DMXL2: variants seen among roughly 807,000 people sequenced by gnomAD.
The protein encoded by DMXL2 is dmX-like protein 2.
Under a neutral mutation model 331.1 loss-of-function variants are expected in DMXL2, and 103 were observed. The observed-to-expected ratio is 0.31, with a 90% CI of 0.27 to 0.37. DMXL2 has a LOEUF of 0.37. Among genes scored for constraint, DMXL2 ranks in the 10% least tolerant of loss-of-function variants. DMXL2 has a pLI of 1.00. For missense variants in DMXL2, 3,171 were observed against 3,642.9 expected, an observed-to-expected ratio of 0.87 and a Z score of 3.33; for synonymous variants, 1,281 against 1,252.1, an observed-to-expected ratio of 1.02 and a Z score of -0.49.
chr15:51,511,844 G>A (rs2046774030), intron 15 of DMXL2, among the ~76,000 whole-genome samples: 1 of 152,136 alleles, frequency 6.6e-6, no homozygotes, highest in Non-Finnish European at 1.5e-5. Flanking sequence ...TATACACCAT[G>A]GAATACTATG....
At chr15:51,457,176 T>A in intron 37 of DMXL2, 152 bp downstream of exon 37, 1 of 874,616 alleles carries the variant, frequency 1.1e-6, no homozygotes, top group Non-Finnish European at 1.7e-6. Flanking sequence ...TGTCACCAAA[T>A]AAAAAAGCCA....
intron 15 of DMXL2, among the ~76,000 whole-genome samples, chr15:51,512,473 C>T (rs961302860): frequency 2.0e-5 from 3 of 151,992 alleles, no homozygotes; most frequent in Non-Finnish European, 4.4e-5. Flanking sequence ...TTTTTAGAAA[C>T]GCATATGGAA....
At chr15:51,479,874 G>T in intron 25 of DMXL2, 74 bp downstream of exon 25, 1 of 1,162,654 alleles carries the variant, frequency 8.6e-7, no homozygotes, top group Non-Finnish European at 1.2e-6. Flanking sequence ...CCCTAAGTTC[G>T]AATTAAAAGA....
At chr15:51,473,799 G>T (rs1002243328) in intron 28 of DMXL2, among the ~76,000 whole-genome samples, 1 of 152,114 alleles carries the variant, frequency 6.6e-6, no homozygotes, top group African/African-American at 2.4e-5. Context: ...AAGGAAAATG[G>T]AATAATACTA....
At chr15:51,566,688 T>A (rs1368093707) in intron 3 of DMXL2, among the ~76,000 whole-genome samples, 2 of 152,204 alleles carry the variant, frequency 1.3e-5, no homozygotes, top group African/African-American at 2.4e-5. Context: ...CAAATACATA[T>A]ATTTAATGAA....
chr15:51,468,527 C>T (rs553636426), intron 29 of DMXL2, among the ~76,000 whole-genome samples: 1 of 152,176 alleles, frequency 6.6e-6, no homozygotes, highest in Admixed American at 6.5e-5. Context: ...CTGAAGGATG[C>T]TTGGGAACCA....
chr15:51,527,981 GTTTA>G (rs1047827439), intron 13 of DMXL2, among the ~76,000 whole-genome samples: 6 of 151,506 alleles, frequency 4.0e-5, no homozygotes, highest in Non-Finnish European at 5.9e-5. Context: ...CTTTTTGCTT[GTTTA>G]TTTATGCAAA....
intron 2 of DMXL2, among the ~76,000 whole-genome samples, chr15:51,571,318 C>T (rs1191401877): frequency 1.3e-5 from 2 of 152,162 alleles, no homozygotes; most frequent in Admixed American, 1.3e-4. Flanking sequence ...GAGACTTAGA[C>T]TCCCACACAG....
chr15:51,589,862 C>A (rs2052159573), intron 1 of DMXL2, among the ~76,000 whole-genome samples: 1 of 152,090 alleles, frequency 6.6e-6, no homozygotes, highest in African/African-American at 2.4e-5. Flanking sequence ...GGACTCGACC[C>A]TAAGAAAACA....
rs2043393107 is a variant in DMXL2, at chr15:51,499,075, T to G, written c.4149A>C (p.Arg1383Ser). ...KCIAGEVAIV[R>S]DPDAGEGTKR... ...TAGTTCCTTCTCCAGCATCAGGATC[T>G]CTAACTATTGCTACTTCACCTGCAA... The change falls in exon 18 of 44, where the codon AGA (arginine) becomes AGC (serine). Residue 1383 changes from arginine (R) to serine (S), a missense_variant. Around this residue, in one of 7 missense-constraint regions of DMXL2, gnomAD observed 1,674 missense variants for 1,780.2 expected, o/e 0.94. Coordinates refer to ENST00000560891, the MANE Select transcript of DMXL2 (RefSeq NM_001378457.1). The G allele has an allele frequency of 1.9e-6, 3 of 1,614,024 alleles. No homozygotes were observed. The highest frequency in any genetic ancestry group is 2.5e-6 in the Non-Finnish European group (3 of 1,180,026).
intron 1 of DMXL2, among the ~76,000 whole-genome samples, chr15:51,582,561 C>G (rs963905896): frequency 6.6e-6 from 1 of 152,146 alleles, no homozygotes; most frequent in African/African-American, 2.4e-5. Flanking sequence ...GGACAAAACA[C>G]AGATTAACAA....
intron 23 of DMXL2, among the ~76,000 whole-genome samples, chr15:51,481,854 C>G (rs1188097997): frequency 1.3e-5 from 2 of 152,074 alleles, no homozygotes; most frequent in Non-Finnish European, 2.9e-5. Flanking sequence ...CCAGGATACA[C>G]TAAGAAAAAG....
intron 13 of DMXL2, among the ~76,000 whole-genome samples, chr15:51,517,432 A>G (rs2047096764): frequency 6.6e-6 from 1 of 152,230 alleles, no homozygotes; most frequent in Non-Finnish European, 1.5e-5. Context: ...CTTAAAGCCC[A>G]AGACAGACAT....
chr15:51,599,111 A>G (rs2053044853), intron 1 of DMXL2, among the ~76,000 whole-genome samples: 1 of 152,214 alleles, frequency 6.6e-6, no homozygotes, highest in East Asian at 1.9e-4. Context: ...TTTCATACCC[A>G]GATTGTCCCA....
intron 23 of DMXL2, among the ~76,000 whole-genome samples, chr15:51,485,258 T>A (rs1414443825): frequency 6.6e-6 from 1 of 152,080 alleles, no homozygotes; most frequent in Non-Finnish European, 1.5e-5. Context: ...GTTCAAATAC[T>A]CCCAAATAGA....
At chr15:51,469,477 A>C (rs182019481) in intron 29 of DMXL2, among the ~76,000 whole-genome samples, 149 of 152,318 alleles carry the variant, frequency 9.8e-4, no homozygotes, top group African/African-American at 3.3e-3. Context: ...CAGAAAAAAA[A>C]CTACATATAC....
At chr15:51,462,836 C>A (rs12441759) in intron 33 of DMXL2, among the ~76,000 whole-genome samples, 70,904 of 151,976 alleles carry the variant, frequency 0.47, 16,880 homozygotes, top group Non-Finnish European at 0.5. Flanking sequence ...TATTACATTA[C>A]TAATTGTATT....
rs187079119 is a variant in DMXL2, at chr15:51,582,693, C to T, written c.88-6512G>A. Among the ~76,000 whole-genome samples, 404 of 138,568 alleles carry T rather than the reference C, an allele frequency of 2.9e-3. 18 individuals are homozygous for T. The East Asian group carries it at 0.067, about 23-fold the overall frequency. 90.9% of individuals were successfully genotyped at this position (138,568 alleles called of 152,430 possible). On this transcript the variant is annotated intron_variant, in intron 1 of 43. Coordinates refer to ENST00000560891, the MANE Select transcript of DMXL2 (RefSeq NM_001378457.1). ...AAAGGACAAATAGGTTTCCTTAATA[C>T]GTTCCTGATTAAGCAAGAAATTTCA...
chr15:51,466,159 T>C lies in DMXL2; in HGVS notation c.7520+25A>G, dbSNP rs1238614045. The C allele has an allele frequency of 1.3e-5, 19 of 1,504,920 alleles. No individual in the cohort carries two copies. The South Asian group carries it at 2.1e-4, about 16-fold the overall frequency. 93.2% of individuals were successfully genotyped at this position (1,504,920 alleles called of 1,614,324 possible). On this transcript the variant is annotated intron_variant, in intron 30 of 43. Coordinates refer to ENST00000560891, the MANE Select transcript of DMXL2 (RefSeq NM_001378457.1). ...ACAAAAAGAAAAGCCAAAAAAAAAATGAGAGAAAGAAAAGTCTTATTTACC... is the reference window on the plus strand; with the variant it reads ...ACAAAAAGAAAAGCCAAAAAAAAAACGAGAGAAAGAAAAGTCTTATTTACC...
Sources: gnomAD v4.1 joint callset for allele counts (sites outside exome capture counted in the v4.1 genomes callset) on GRCh38, gnomAD v4.1.1 for gene constraint, gnomAD v4.1.1 regional missense constraint, MANE v1.5 for transcripts, NCBI Gene and HGNC (gene_info 2026-07-23, HGNC 2026-07-21) for gene names.